SMS: variants seen among roughly 807,000 people sequenced by gnomAD.
SMS encodes spermine synthase, also known as spermidine aminopropyltransferase.
SMS carries 3 observed loss-of-function variants against 33.0 expected under a neutral mutation model. That is an observed-to-expected ratio of 0.09 (90% CI 0.04 to 0.23). The LOEUF is 0.23. Ranked by LOEUF, SMS falls within the 10% of genes least tolerant of loss-of-function variation. The probability of loss-of-function intolerance (pLI) is 1.00; values close to 1 mark genes in which losing one functional copy is unlikely to be tolerated. For missense variants in SMS, 117 were observed against 288.6 expected, an observed-to-expected ratio of 0.41 and a Z score of 4.31; for synonymous variants, 103 against 112.2, an observed-to-expected ratio of 0.92 and a Z score of 0.52.
intron 1 of SMS, among the ~76,000 whole-genome samples, chrX:21,950,650 T>C (rs1384205767): frequency 1.9e-5 from 2 of 108,007 alleles, no homozygotes; most frequent in Non-Finnish European, 3.8e-5. Context: ...CCTGTGTTCA[T>C]GTGTTCTCAT....
At chrX:21,949,127 G>A (rs1248339416) in intron 1 of SMS, among the ~76,000 whole-genome samples, 2 of 111,454 alleles carry the variant, frequency 1.8e-5, no homozygotes, top group Admixed American at 9.6e-5. Context: ...ATGTGTTTAC[G>A]TGCTAAGCCA....
At chrX:21,971,233 A>G (rs1475111990) in intron 2 of SMS, among the ~76,000 whole-genome samples, 1 of 111,217 alleles carries the variant, frequency 9.0e-6, no homozygotes, top group Non-Finnish European at 1.9e-5. Context: ...TAACTAAAAC[A>G]GAAGTTTCAT....
At chrX:21,969,757 C>G (rs754473949) in intron 2 of SMS, among the ~76,000 whole-genome samples, 37 of 112,789 alleles carry the variant, frequency 3.3e-4, no homozygotes, top group Non-Finnish European at 5.8e-4. Flanking sequence ...TGTTCGGAAA[C>G]TGCTTCGAAA....
intron 1 of SMS, among the ~76,000 whole-genome samples, chrX:21,949,191 G>C (rs1229083159): frequency 8.9e-6 from 1 of 112,040 alleles, no homozygotes; most frequent in East Asian, 2.8e-4. Context: ...TTCCTGAACT[G>C]ACTTGACTCT....
chrX:21,949,697 T>G (rs1245083748), intron 1 of SMS, among the ~76,000 whole-genome samples: 2 of 112,263 alleles, frequency 1.8e-5, no homozygotes, highest in Non-Finnish European at 3.8e-5. Flanking sequence ...CTAGAAGGAC[T>G]GTAGATCACA....
At position 21,965,575 on chromosome X, in the gene SMS, C is replaced by T. The variant is rs1372901947; in HGVS notation, c.50-1621C>T. Among the ~76,000 whole-genome samples, 3 of 35,454 alleles carry T rather than the reference C, an allele frequency of 8.5e-5. No homozygotes were observed. The East Asian group carries it at 2.3e-3, about 27-fold the overall frequency. 30.8% of individuals were successfully genotyped at this position (35,454 alleles called of 115,157 possible). A position where few individuals can be genotyped will look rare whatever the true frequency, so the allele number is the denominator to read the frequency against. ...CTAACACAGTGAAACCCCGTCTCTACTACAAATACAAAAAAAAAAAAAAAA... is the reference window on the plus strand; with the variant it reads ...CTAACACAGTGAAACCCCGTCTCTATTACAAATACAAAAAAAAAAAAAAAA... On this transcript the variant is annotated intron_variant, in intron 1 of 10. Coordinates refer to ENST00000404933, the MANE Select transcript of SMS (RefSeq NM_004595.5).
chrX:21,988,635 A>G (rs1273467671), intron 9 of SMS, among the ~76,000 whole-genome samples: 1 of 99,835 alleles, frequency 1.0e-5, no homozygotes, highest in East Asian at 3.3e-4. Flanking sequence ...ACTGCAGTCC[A>G]GCCTGGGCAA....
chrX:21,942,982 G>C (rs776256132), intron 1 of SMS, among the ~76,000 whole-genome samples: 73 of 109,656 alleles, frequency 6.7e-4, no homozygotes, highest in Middle Eastern at 4.7e-3. Flanking sequence ...CGGGATTACA[G>C]ACTCGAGCCA....
intron 9 of SMS, among the ~76,000 whole-genome samples, chrX:21,986,347 CAAAAAAAAAAAAAA>C (rs57792709): frequency 1.0e-3 from 34 of 33,229 alleles, no homozygotes; most frequent in Admixed American, 3.8e-3. Flanking sequence ...GACTACATCT[CAAAAAAAAAAAAAA>C]AAAAAAAAAA....
At chrX:21,962,822 A>C (rs766850330) in intron 1 of SMS, among the ~76,000 whole-genome samples, 3 of 110,248 alleles carry the variant, frequency 2.7e-5, no homozygotes, top group Admixed American at 9.6e-5. Context: ...TGTCCGGCTA[A>C]TTTTTGTATT....
chrX:21,985,041 T>C (rs1382099872), intron 8 of SMS, 103 bp from the exon 9 acceptor site: 1 of 545,946 alleles, frequency 1.8e-6, no homozygotes, highest in African/African-American at 2.3e-5. Flanking sequence ...CGTGGCTCTT[T>C]TTCTTTTTCC....
chrX:21,947,808 A>G (rs1248281411), intron 1 of SMS, among the ~76,000 whole-genome samples: 3 of 111,511 alleles, frequency 2.7e-5, no homozygotes. Context: ...TTCCCCCAGT[A>G]TATTCCTTGT....
At chrX:21,980,436 A>G (rs1335492789) in intron 7 of SMS, among the ~76,000 whole-genome samples, 1 of 81,241 alleles carries the variant, frequency 1.2e-5, no homozygotes, top group African/African-American at 4.2e-5. Flanking sequence ...AAAAATATAT[A>G]TATATATATA....
chrX:21,957,442 G>A (rs751330219), intron 1 of SMS, among the ~76,000 whole-genome samples: 3 of 110,606 alleles, frequency 2.7e-5, no homozygotes, highest in South Asian at 3.9e-4. Flanking sequence ...GGCTACAGGC[G>A]CCTGCCACCA....
chrX:21,968,651 A>G (rs1330937989), intron 2 of SMS, among the ~76,000 whole-genome samples: 2 of 112,446 alleles, frequency 1.8e-5, no homozygotes, highest in East Asian at 5.6e-4. Context: ...AATGCAGAAG[A>G]AAACCTAAAC....
intron 1 of SMS, among the ~76,000 whole-genome samples, chrX:21,957,957 TTG>T (rs1329361201): frequency 1.0e-5 from 1 of 100,233 alleles, no homozygotes; most frequent in African/African-American, 4.6e-5. Flanking sequence ...ATGGGAATAT[TTG>T]TTTTTTTTTT....
At chrX:21,962,684 G>A (rs1000689429) in intron 1 of SMS, among the ~76,000 whole-genome samples, 7 of 111,080 alleles carry the variant, frequency 6.3e-5, no homozygotes, top group Non-Finnish European at 1.3e-4. Context: ...TTGAAATAGG[G>A]TCTCACTGTT....
At chrX:21,974,768 A>C (rs1924424833) in intron 4 of SMS, among the ~76,000 whole-genome samples, 1 of 109,866 alleles carries the variant, frequency 9.1e-6, no homozygotes, top group South Asian at 3.9e-4. Context: ...TTATCTTTTC[A>C]TGAAATAAGG....
chrX:21,960,284 C>A (rs1923251182), intron 1 of SMS, among the ~76,000 whole-genome samples: 1 of 110,708 alleles, frequency 9.0e-6, no homozygotes, highest in Admixed American at 9.6e-5. Flanking sequence ...AATTTTCAGC[C>A]TTCATAACTA....
Sources: allele counts gnomAD v4.1 joint callset (sites outside exome capture counted in the v4.1 genomes callset), GRCh38; gene constraint gnomAD v4.1.1; transcripts MANE v1.5; gene names NCBI Gene and HGNC (gene_info 2026-07-23, HGNC 2026-07-21).